Variants in SOX5 observed in about 807,000 individuals in gnomAD.
SOX5 encodes transcription factor SOX-5.
A neutral mutation model predicts 92.0 loss-of-function variants in SOX5; 9 were observed. The observed-to-expected ratio is 0.10, with a 90% confidence interval of 0.06 to 0.17. SOX5 has a LOEUF of 0.17. Among genes scored for constraint, SOX5 ranks in the 10% least tolerant of loss-of-function variants. The pLI is 1.00. For synonymous variants in SOX5, 344 were observed against 336.3 expected, an observed-to-expected ratio of 1.02 and a Z score of -0.25; for missense variants, 642 against 944.5, an observed-to-expected ratio of 0.68 and a Z score of 4.20.
rs929495844 is a variant in SOX5, at chr12:23,915,958, G to GA, written c.39-19935dup. ...TGAACTTGCTGCACTAGCATTGCAA[G>GA]AAAAAATCACAAACTCTTAAGTTTG... On this transcript the variant is annotated intron_variant, in intron 1 of 14. Coordinates refer to ENST00000451604, the MANE Select transcript of SOX5 (RefSeq NM_006940.6). 3.9e-5 allele frequency among the ~76,000 whole-genome samples: 6 copies of GA among 152,126 alleles called. No homozygotes were observed. The South Asian group carries it at 8.3e-4, about 21-fold the overall frequency.
intron 1 of SOX5, among the ~76,000 whole-genome samples, chr12:24,468,689 C>T (rs776640997): frequency 3.0e-4 from 46 of 152,144 alleles, no homozygotes; most frequent in Admixed American, 3.9e-4. Context: ...AAATTTTTTA[C>T]TATATGTCTG....
chr12:24,436,889 C>T (rs914232574), intron 1 of SOX5, among the ~76,000 whole-genome samples: 1 of 152,052 alleles, frequency 6.6e-6, no homozygotes, highest in Non-Finnish European at 1.5e-5. Flanking sequence ...TTCCTAGGGC[C>T]CTTAAGAATT....
intron 2 of SOX5, among the ~76,000 whole-genome samples, chr12:24,333,877 G>A (rs955227748): frequency 1.3e-5 from 2 of 148,792 alleles, no homozygotes; most frequent in African/African-American, 2.5e-5. Flanking sequence ...AAGGTAGGGG[G>A]AGAAACATCT....
In SOX5 at chr12:24,002,569, G is replaced by GTTTTTTTTTTGTTGTTCTT. The variant is rs1555468917; in HGVS notation, c.-1-106546_-1-106545insAAGAACAACAAAAAAAAAA. ...CAGAATTATTTTAAAAATTGAATTA[G>GTTTTTTTTTTGTTGTTCTT]TAATTTTCTTACACATTATAAAATC... On this transcript the variant is annotated intron_variant, in intron 4 of 4. Coordinates refer to the SOX5 transcript ENST00000446891. 4.0e-5 allele frequency among the ~76,000 whole-genome samples: 6 copies of GTTTTTTTTTTGTTGTTCTT among 149,088 alleles called. No homozygotes were observed. The South Asian group carries it at 1.3e-3, about 32-fold the overall frequency.
At chr12:24,137,404 G>A (rs920141470) in intron 4 of SOX5, among the ~76,000 whole-genome samples, 8 of 152,212 alleles carry the variant, frequency 5.3e-5, no homozygotes, top group African/African-American at 1.4e-4. Context: ...AGGCCGAGGC[G>A]TGCGGATCAC....
At chr12:24,236,783 T>C (rs547635530) in intron 3 of SOX5, among the ~76,000 whole-genome samples, 2 of 152,286 alleles carry the variant, frequency 1.3e-5, no homozygotes, top group South Asian at 4.1e-4. Flanking sequence ...TTCTAGCCTG[T>C]ATTTCTGTAA....
intron 10 of SOX5, among the ~76,000 whole-genome samples, chr12:23,567,161 T>TA (rs1248769272): frequency 6.6e-6 from 1 of 152,202 alleles, no homozygotes; most frequent in African/African-American, 2.4e-5. Context: ...GAGGTTCAGT[T>TA]AAATGGGCGT....
chr12:24,058,245 G>T (rs756271656), intron 4 of SOX5, among the ~76,000 whole-genome samples: 4 of 152,142 alleles, frequency 2.6e-5, no homozygotes, highest in Non-Finnish European at 5.9e-5. Context: ...GTAACACATC[G>T]TCCTCACTGA....
chr12:23,869,170 G>A (rs2096846779), intron 2 of SOX5, among the ~76,000 whole-genome samples: 1 of 152,018 alleles, frequency 6.6e-6, no homozygotes, highest in African/African-American at 2.4e-5. Flanking sequence ...CTTACATTTA[G>A]CTAAATGTTA....
intron 1 of SOX5, among the ~76,000 whole-genome samples, chr12:24,527,672 T>C (rs1950835133): frequency 6.6e-6 from 1 of 152,208 alleles, no homozygotes; most frequent in African/African-American, 2.4e-5. Context: ...ATAGTTGCTA[T>C]TTCCTGACCT....
At chr12:24,350,318 C>CTGTTT (rs1400318559) in intron 2 of SOX5, among the ~76,000 whole-genome samples, 6 of 152,138 alleles carry the variant, frequency 3.9e-5, no homozygotes, top group South Asian at 2.1e-4. Flanking sequence ...TTTGTTTGTT[C>CTGTTT]TGTTTTGTTT....
intron 4 of SOX5, among the ~76,000 whole-genome samples, chr12:24,111,279 A>C (rs1947321060): frequency 3.3e-5 from 5 of 152,196 alleles, no homozygotes; most frequent in Admixed American, 3.3e-4. Context: ...ACATTACCTA[A>C]CACCTGTCAA....
chr12:24,025,888 G>T (rs1358854209), intron 4 of SOX5, among the ~76,000 whole-genome samples: 1 of 152,054 alleles, frequency 6.6e-6, no homozygotes, highest in Non-Finnish European at 1.5e-5. Context: ...AGTTGGAAAA[G>T]AATAATAAAC....
intron 2 of SOX5, among the ~76,000 whole-genome samples, chr12:24,287,152 G>T (rs150795981): frequency 0.016 from 2,419 of 152,252 alleles, 22 homozygotes; most frequent in Middle Eastern, 0.027. Context: ...GGAAAAGACT[G>T]TTGCAATTCT....
chr12:24,029,384 C>T (rs949864163), intron 4 of SOX5, among the ~76,000 whole-genome samples: 13 of 151,920 alleles, frequency 8.6e-5, no homozygotes, highest in African/African-American at 2.9e-4. Flanking sequence ...AAGCTGTTCT[C>T]CCACCTCAGC....
intron 4 of SOX5, among the ~76,000 whole-genome samples, chr12:24,044,468 T>G (rs1956813126): frequency 6.6e-6 from 1 of 152,226 alleles, no homozygotes; most frequent in African/African-American, 2.4e-5. Context: ...ATTCTCACGA[T>G]AAGGCAGGAT....
chr12:24,127,710 C>T (rs1232732923), intron 4 of SOX5, among the ~76,000 whole-genome samples: 2 of 152,156 alleles, frequency 1.3e-5, no homozygotes, highest in Non-Finnish European at 2.9e-5. Flanking sequence ...AAAATCACCA[C>T]TCTCTTTGGG....
At chr12:23,658,324 C>T (rs1379887497) in intron 7 of SOX5, among the ~76,000 whole-genome samples, 2 of 152,172 alleles carry the variant, frequency 1.3e-5, no homozygotes, top group African/African-American at 4.8e-5. Flanking sequence ...TGGAAGATGA[C>T]TGTCACCACA....
At position 24,339,163 on chromosome 12, in the gene SOX5, CCACACACA is replaced by C. The variant is rs56243419; in HGVS notation, c.-174+29392_-174+29399del. On this transcript the variant is annotated intron_variant, in intron 2 of 4. Transcript: ENST00000446891. ...GTTTCTCTCTCTCTCTCTCTCTCTGCCACACACACACACACACACACACACACACACAC... is the reference window on the plus strand; with the variant it reads ...GTTTCTCTCTCTCTCTCTCTCTCTGCCACACACACACACACACACACACAC... Among the ~76,000 whole-genome samples, 241 of 140,470 alleles carry C rather than the reference CCACACACA, an allele frequency of 1.7e-3. 1 individual carries two copies. The highest frequency in any genetic ancestry group is 7.2e-3 in the East Asian group (34 of 4,704). The allele number at this position is 140,470 out of a possible 152,430, so 92.2% of individuals were successfully genotyped here.
Sources: gnomAD v4.1 joint callset for allele counts (sites outside exome capture counted in the v4.1 genomes callset) on GRCh38, gnomAD v4.1.1 for gene constraint, MANE v1.5 for transcripts, NCBI Gene and HGNC (gene_info 2026-07-23, HGNC 2026-07-21) for gene names.